Variants in PTPN9 observed in about 807,000 individuals in gnomAD.
PTPN9 encodes the protein protein tyrosine phosphatase non-receptor type 9.
Under a neutral mutation model 69.8 loss-of-function variants are expected in PTPN9, and 26 were observed. The ratio of observed to expected loss-of-function variants is 0.37; its 90% CI spans 0.27 to 0.52. The LOEUF (loss-of-function observed/expected upper bound fraction) is 0.52. PTPN9 is among the 20% of genes least tolerant of loss of function. PTPN9 has a pLI of 0.91. For missense variants in PTPN9, 549 were observed against 740.3 expected (o/e 0.74, Z 3.00); for synonymous variants, 274 against 272.5 (o/e 1.01, Z -0.05).
chr15:75,479,990 G>A (rs376072297), intron 8 of PTPN9, 76 bp from the exon 9 acceptor site: 5 of 1,028,216 alleles, frequency 4.9e-6, no homozygotes, highest in African/African-American at 3.2e-5. Context: ...TACTCAGTAA[G>A]TAAAACCCAA....
rs1323107220 is a variant in PTPN9, at chr15:75,465,721, T to C, written c.*3048A>G. The C allele has an allele frequency of 1.3e-5, 2 of 152,200 alleles. No individual in the cohort carries two copies. Among genetic ancestry groups the C allele is most frequent in the East Asian group, 1.9e-4 (1 of 5,198 alleles). The allele number at this position is 152,200 out of a possible 1,614,324, so 9.4% of individuals were successfully genotyped here. On this transcript the variant is annotated 3_prime_UTR_variant, in exon 13 of 13. Transcript: ENST00000618819. ...TACTGGATGGGCCCAGAAATCAGCATTTTATGGAGCTGAAGTGATAGATAA... is the reference window on the plus strand; with the variant it reads ...TACTGGATGGGCCCAGAAATCAGCACTTTATGGAGCTGAAGTGATAGATAA...
At chr15:75,551,806 G>A (rs904779240) in intron 1 of PTPN9, among the ~76,000 whole-genome samples, 6 of 152,072 alleles carry the variant, frequency 3.9e-5, no homozygotes, top group African/African-American at 1.4e-4. Flanking sequence ...AGAGGCTGAG[G>A]TGGGCAGATC....
Position 75,463,953 on chromosome 15 carries a change from G to C in PTPN9, c.*4816C>G, listed in dbSNP as rs1209632429. On this transcript the variant is annotated 3_prime_UTR_variant, in exon 13 of 13. Transcript: ENST00000618819. ...TAGGTTGGGAGCTATAGGACCCTTG[G>C]TCTGTTCATGCTTTGCCTCTGAGAA... 6.6e-6 allele frequency: 1 copy of C among 152,182 alleles called. No homozygotes were observed. Among genetic ancestry groups the C allele is most frequent in the Non-Finnish European group, 1.5e-5 (1 of 68,060 alleles). 9.4% of individuals were successfully genotyped at this position (152,182 alleles called of 1,614,324 possible). A position where few individuals can be genotyped will look rare whatever the true frequency, so the allele number is the denominator to read the frequency against.
chr15:75,518,977 C>T (rs1448397261), intron 4 of PTPN9, among the ~76,000 whole-genome samples: 1 of 152,198 alleles, frequency 6.6e-6, no homozygotes, highest in African/African-American at 2.4e-5. Flanking sequence ...ATGTGATCTG[C>T]AGACCCAAAT....
At chr15:75,548,524 G>C (rs2075043801) in intron 1 of PTPN9, among the ~76,000 whole-genome samples, 1 of 152,048 alleles carries the variant, frequency 6.6e-6, no homozygotes, top group South Asian at 2.1e-4. Flanking sequence ...AAAGTGCTGG[G>C]ATTACAGGCA....
intron 6 of PTPN9, among the ~76,000 whole-genome samples, chr15:75,508,510 C>CCA (rs1250840062): frequency 6.6e-6 from 1 of 152,174 alleles, no homozygotes; most frequent in Non-Finnish European, 1.5e-5. Context: ...AATGATGTTT[C>CCA]CAGTTGAACA....
At chr15:75,496,508 T>TG (rs1391535032) in intron 7 of PTPN9, among the ~76,000 whole-genome samples, 1 of 151,130 alleles carries the variant, frequency 6.6e-6, no homozygotes, top group African/African-American at 2.4e-5. Flanking sequence ...CTTTTTTTTT[T>TG]TTTTTTGAGA....
intron 7 of PTPN9, among the ~76,000 whole-genome samples, chr15:75,495,301 A>C (rs1436217956): frequency 1.3e-5 from 2 of 152,160 alleles, no homozygotes; most frequent in Admixed American, 6.6e-5. Flanking sequence ...AATGAAAGAA[A>C]AAGTTCTGAA....
intron 1 of PTPN9, among the ~76,000 whole-genome samples, chr15:75,569,009 T>C (rs551827024): frequency 1.3e-5 from 2 of 152,116 alleles, no homozygotes; most frequent in South Asian, 2.1e-4. Flanking sequence ...TCTAGAAGAA[T>C]AGGAATAGAA....
intron 1 of PTPN9, among the ~76,000 whole-genome samples, chr15:75,547,708 C>G (rs2075039655): frequency 6.6e-6 from 1 of 151,482 alleles, no homozygotes; most frequent in Admixed American, 6.6e-5. Flanking sequence ...CTCTGTCACC[C>G]AGGCTGGAGT....
rs1395533320 is a variant in PTPN9 at position 75,470,611 on chromosome 15, G to A, written c.1359+69C>T. 3 of 1,551,870 alleles carry A rather than the reference G, an allele frequency of 1.9e-6. No homozygotes were observed. In the East Asian group the frequency reaches 6.7e-5, roughly 35 times the overall value. ...CCTGGTATCCTACCTATTCCCTCTG[G>A]AGATTTTCATTACAGTAATTATTCT... On this transcript the variant is annotated intron_variant, in intron 11 of 12. Coordinates refer to ENST00000618819, the MANE Select transcript of PTPN9 (RefSeq NM_002833.4).
chr15:75,474,649 C>G (rs936314731), intron 9 of PTPN9, among the ~76,000 whole-genome samples: 1 of 152,158 alleles, frequency 6.6e-6, no homozygotes, highest in Admixed American at 6.5e-5. Flanking sequence ...CTCCCAGAAG[C>G]AGTCAGTCAC....
Position 75,578,705 on chromosome 15 carries a change from C to T in PTPN9, c.63+9G>A. On this transcript the variant is annotated intron_variant, in intron 1 of 12. Transcript: ENST00000618819. ...ACACACCCAACGCGGCGGCCTCGGG[C>T]CCGCTTACCTGCTCCTCCTCCGGGG... 7.3e-7 allele frequency: 1 copy of T among 1,370,384 alleles called. No individual in the cohort carries two copies. 84.9% of individuals were successfully genotyped at this position (1,370,384 alleles called of 1,614,324 possible).
intron 1 of PTPN9, among the ~76,000 whole-genome samples, chr15:75,574,388 C>A (rs2075162317): frequency 6.6e-6 from 1 of 151,768 alleles, no homozygotes; most frequent in African/African-American, 2.4e-5. Flanking sequence ...AGATTTTCAA[C>A]AGGACTCTGG....
At chr15:75,497,147 G>A (rs1245423626) in intron 7 of PTPN9, among the ~76,000 whole-genome samples, 1 of 151,966 alleles carries the variant, frequency 6.6e-6, no homozygotes, top group Non-Finnish European at 1.5e-5. Context: ...CTAAGGATGC[G>A]GATTAGAAGG....
At chr15:75,516,699 C>G (rs533851415) in intron 5 of PTPN9, among the ~76,000 whole-genome samples, 15 of 150,872 alleles carry the variant, frequency 9.9e-5, no homozygotes, top group Non-Finnish European at 1.6e-4. Flanking sequence ...TGAGTCATGG[C>G]ACCCAGCCCA....
At chr15:75,523,570 A>C (rs2074914341) in intron 3 of PTPN9, among the ~76,000 whole-genome samples, 1 of 152,214 alleles carries the variant, frequency 6.6e-6, no homozygotes, top group Non-Finnish European at 1.5e-5. Context: ...AACAAGCAGC[A>C]GGAGAGAACC....
intron 1 of PTPN9, among the ~76,000 whole-genome samples, chr15:75,554,473 C>T (rs1464200245): frequency 1.3e-5 from 2 of 151,944 alleles, no homozygotes; most frequent in Non-Finnish European, 2.9e-5. Flanking sequence ...GAATTACAGG[C>T]GTGAGCCACC....
At chr15:75,561,124 T>C (rs2075102503) in intron 1 of PTPN9, among the ~76,000 whole-genome samples, 1 of 151,858 alleles carries the variant, frequency 6.6e-6, no homozygotes, top group South Asian at 2.1e-4. Context: ...AAGACCAGCC[T>C]GACCAACATG....
Sources: gnomAD v4.1 joint callset for allele counts (sites outside exome capture counted in the v4.1 genomes callset) on GRCh38, gnomAD v4.1.1 for gene constraint, MANE v1.5 for transcripts, NCBI Gene and HGNC (gene_info 2026-07-23, HGNC 2026-07-21) for gene names.